The following ANKRD7 variants were observed in gnomAD, a reference collection of about 807,000 sequenced individuals.
ANKRD7 encodes ankyrin repeat domain-containing protein 7.
In ANKRD7, 30 loss-of-function variants were observed where a neutral mutation model predicts 30.8. The ratio of observed to expected loss-of-function variants is 0.97; its 90% CI spans 0.73 to 1.32. The LOEUF is 1.32. Ranked by LOEUF, ANKRD7 falls within the 40% of genes most tolerant of loss-of-function variation. The pLI is 0.00. For synonymous variants in ANKRD7, 97 were observed against 106.6 expected, an observed-to-expected ratio of 0.91 and a Z score of 0.55; for missense variants, 264 against 295.7, an observed-to-expected ratio of 0.89 and a Z score of 0.79.
At chr7:118,232,350 A>G (rs2116007297) in intron 1 of ANKRD7, among the ~76,000 whole-genome samples, 1 of 152,194 alleles carries the variant, frequency 6.6e-6, no homozygotes, top group Non-Finnish European at 1.5e-5. Flanking sequence ...AAAGGATGAC[A>G]AATATTCTAA....
intron 1 of ANKRD7, 75 bp downstream of exon 1, chr7:118,225,084 G>C: frequency 6.5e-7 from 1 of 1,532,764 alleles, no homozygotes; most frequent in South Asian, 1.2e-5. Flanking sequence ...AGACAAGTGG[G>C]GGCTGTTTGA....
chr7:118,234,920 T>G (rs73716934), intron 3 of ANKRD7, 46 bp downstream of exon 3: 2 of 1,459,426 alleles, frequency 1.4e-6, no homozygotes, highest in African/African-American at 1.4e-5. Flanking sequence ...AGAAAGCAAC[T>G]GAAGAGCATA....
chr7:118,238,298 AT>A (rs969338854), intron 5 of ANKRD7, among the ~76,000 whole-genome samples: 6 of 151,176 alleles, frequency 4.0e-5, no homozygotes, highest in African/African-American at 1.2e-4. Flanking sequence ...AGAGAATTAC[AT>A]TTTTTTTTCT....
chr7:118,240,072 C>G, intron 6 of ANKRD7, 74 bp downstream of exon 6: 1 of 745,088 alleles, frequency 1.3e-6, no homozygotes, highest in Non-Finnish European at 1.9e-6. Context: ...AAGGAAACAA[C>G]TTTCTTAAGT....
At position 118,225,018 on chromosome 7, in the gene ANKRD7, A is replaced by C. The variant is rs781005706; in HGVS notation, c.179+9A>C. 2.5e-6 allele frequency: 4 copies of C among 1,613,272 alleles called. No homozygotes were observed. Among genetic ancestry groups the C allele is most frequent in the Non-Finnish European group, 3.4e-6 (4 of 1,179,714 alleles). On this transcript the variant is annotated intron_variant, in intron 1 of 6. Coordinates refer to ENST00000265224, the MANE Select transcript of ANKRD7 (RefSeq NM_019644.4). Reference sequence around the variant, plus strand: ...CAGGACAAAAAATACAGGTGACCAGACTGAAGAGCCAGCGCGGGAGGACGG... The same window carrying C: ...CAGGACAAAAAATACAGGTGACCAGCCTGAAGAGCCAGCGCGGGAGGACGG...
intron 4 of ANKRD7, 36 bp from the exon 5 acceptor site, chr7:118,236,754 C>G: frequency 6.3e-7 from 1 of 1,592,216 alleles, no homozygotes; most frequent in Non-Finnish European, 8.5e-7. Flanking sequence ...TGTTTAAGAT[C>G]TTTACATGGG....
chr7:118,226,019 CT>C (rs1384048121), intron 1 of ANKRD7, among the ~76,000 whole-genome samples: 4 of 152,224 alleles, frequency 2.6e-5, no homozygotes, highest in Non-Finnish European at 5.9e-5. Flanking sequence ...TTGTAGCCCC[CT>C]GGGGCCTTGA....
intron 5 of ANKRD7, among the ~76,000 whole-genome samples, chr7:118,237,404 A>G (rs1473970065): frequency 6.6e-6 from 1 of 152,200 alleles, no homozygotes; most frequent in Non-Finnish European, 1.5e-5. Context: ...GTATGAATAC[A>G]AAGTTCTGAT....
intron 1 of ANKRD7, among the ~76,000 whole-genome samples, chr7:118,226,510 T>A (rs1369749309): frequency 6.6e-6 from 1 of 152,176 alleles, no homozygotes; most frequent in African/African-American, 2.4e-5. Flanking sequence ...ACTATATTCT[T>A]ACAATAAAGT....
chr7:118,226,821 C>A (rs1461971958), intron 1 of ANKRD7, among the ~76,000 whole-genome samples: 1 of 151,970 alleles, frequency 6.6e-6, no homozygotes, highest in African/African-American at 2.4e-5. Flanking sequence ...TTGCAAATTT[C>A]CAAAATTTTT....
chr7:118,235,677 G>A (rs1480174426), intron 3 of ANKRD7, among the ~76,000 whole-genome samples: 1 of 147,862 alleles, frequency 6.8e-6, no homozygotes, highest in Non-Finnish European at 1.5e-5. Flanking sequence ...GCCAAAATAA[G>A]TGCCAGCCTT....
At chr7:118,235,786 C>A (rs1004007336) in intron 3 of ANKRD7, among the ~76,000 whole-genome samples, 3 of 152,108 alleles carry the variant, frequency 2.0e-5, no homozygotes, top group South Asian at 4.1e-4. Context: ...AAGTGCTCAT[C>A]ACTTACTTAT....
At chr7:118,231,126 A>G (rs1293865860) in intron 1 of ANKRD7, among the ~76,000 whole-genome samples, 1 of 152,090 alleles carries the variant, frequency 6.6e-6, no homozygotes, top group Non-Finnish European at 1.5e-5. Flanking sequence ...AGATACCTTC[A>G]GTCTCATCTT....
chr7:118,226,932 A>G (rs184340297), intron 1 of ANKRD7, among the ~76,000 whole-genome samples: 168 of 152,324 alleles, frequency 1.1e-3, no homozygotes, highest in Non-Finnish European at 1.4e-3. Context: ...TGTTTTATCT[A>G]TTCAGCCACT....
rs148799220 is a variant in ANKRD7 at position 118,235,724 on chromosome 7, G to T, written c.469-317G>T. On this transcript the variant is annotated intron_variant, in intron 3 of 6. Coordinates refer to ENST00000265224, the MANE Select transcript of ANKRD7 (RefSeq NM_019644.4). ...TGAAACCCAGTGGAAATCTGAATGT[G>T]ACAATATTATGAAATGTGAATTGAC... Among the ~76,000 whole-genome samples the T allele has an allele frequency of 2.1e-3, 315 of 151,960 alleles. 1 individual carries two copies. The highest frequency in any genetic ancestry group is 7.4e-3 in the African/African-American group (306 of 41,436).
intron 3 of ANKRD7, among the ~76,000 whole-genome samples, chr7:118,235,409 G>A (rs1313027246): frequency 6.6e-6 from 1 of 151,944 alleles, no homozygotes; most frequent in East Asian, 1.9e-4. Context: ...TCAGGAGATC[G>A]AGACCATCCT....
At chr7:118,237,525 TTAAA>T (rs771427206) in intron 5 of ANKRD7, among the ~76,000 whole-genome samples, 30 of 152,128 alleles carry the variant, frequency 2.0e-4, no homozygotes, top group Non-Finnish European at 4.3e-4. Flanking sequence ...CTTAATGAAG[TTAAA>T]TAACATACAA....
intron 3 of ANKRD7, 110 bp downstream of exon 3, chr7:118,234,984 C>A: frequency 1.1e-6 from 1 of 937,658 alleles, no homozygotes; most frequent in East Asian, 3.0e-5. Flanking sequence ...ATGAATTTTC[C>A]AAACTAAAAT....
At chr7:118,236,206 GCGTA>G (rs1809726245) in intron 4 of ANKRD7, 59 bp downstream of exon 4, 4 of 920,136 alleles carry the variant, frequency 4.3e-6, no homozygotes, top group East Asian at 2.5e-5. Flanking sequence ...TTGTGTGTGT[GCGTA>G]TGTGTGTGTG....
Sources: allele counts gnomAD v4.1 joint callset (sites outside exome capture counted in the v4.1 genomes callset), GRCh38; gene constraint gnomAD v4.1.1; transcripts MANE v1.5; gene names NCBI Gene and HGNC (gene_info 2026-07-23, HGNC 2026-07-21).